Variants in RUBCN observed in about 807,000 individuals in gnomAD.
The protein encoded by RUBCN is rubicon autophagy regulator, also known as run domain Beclin-1-interacting and cysteine-rich domain-containing protein.
RUBCN carries 74 observed loss-of-function variants against 113.2 expected under a neutral mutation model. That is an observed-to-expected ratio of 0.65 (90% CI 0.54 to 0.79). The LOEUF (loss-of-function observed/expected upper bound fraction) is 0.79. RUBCN is among the 30% of genes least tolerant of loss of function. The pLI, the probability that RUBCN is intolerant of heterozygous loss-of-function variation, is 0.00. For synonymous variants in RUBCN, 480 were observed against 490.0 expected, an observed-to-expected ratio of 0.98 and a Z score of 0.27; for missense variants, 1,109 against 1,251.7, an observed-to-expected ratio of 0.89 and a Z score of 1.72.
chr3:197,716,019 T>C (rs1222465248), intron 2 of RUBCN, among the ~76,000 whole-genome samples: 1 of 152,032 alleles, frequency 6.6e-6, no homozygotes, highest in African/African-American at 2.4e-5. Flanking sequence ...ACACGAATCT[T>C]ATCAAGCCTA....
At position 197,719,783 on chromosome 3, in the gene RUBCN, C is replaced by T. The variant is rs545007152; in HGVS notation, c.66-1653G>A. Among the ~76,000 whole-genome samples the T allele has an allele frequency of 8.5e-5, 13 of 152,290 alleles. No individual in the cohort carries two copies. The South Asian group carries it at 2.7e-3, about 32-fold the overall frequency. On this transcript the variant is annotated intron_variant, in intron 1 of 19. Coordinates refer to ENST00000296343, the MANE Select transcript of RUBCN (RefSeq NM_014687.4). ...TTCTGTAAAAAATTGATTTACATAGCTACCGTATTTAGTGTCACCTTTTTA... is the reference window on the plus strand; with the variant it reads ...TTCTGTAAAAAATTGATTTACATAGTTACCGTATTTAGTGTCACCTTTTTA...
intron 2 of RUBCN, among the ~76,000 whole-genome samples, chr3:197,707,376 C>T (rs964069999): frequency 6.6e-6 from 1 of 151,804 alleles, no homozygotes; most frequent in Non-Finnish European, 1.5e-5. Context: ...TTTCTTCAGA[C>T]AAAATTTTAA....
intron 7 of RUBCN, among the ~76,000 whole-genome samples, chr3:197,697,399 T>C (rs775463754): frequency 1.1e-4 from 17 of 152,252 alleles, no homozygotes; most frequent in Non-Finnish European, 1.8e-4. Context: ...CAAACCAATT[T>C]AGAAAAGTCT....
chr3:197,725,126 G>C (rs9838354), intron 1 of RUBCN, among the ~76,000 whole-genome samples: 1 of 152,088 alleles, frequency 6.6e-6, no homozygotes, highest in Non-Finnish European at 1.5e-5. Context: ...CAAGGGCTTC[G>C]AAGTTGGAAG....
chr3:197,707,779 A>G (rs1724479662), intron 2 of RUBCN, among the ~76,000 whole-genome samples: 1 of 152,034 alleles, frequency 6.6e-6, no homozygotes, highest in Non-Finnish European at 1.5e-5. Flanking sequence ...AGCCTGGTCA[A>G]CATGGTGAAA....
chr3:197,685,131 G>A (rs569202070), intron 11 of RUBCN, among the ~76,000 whole-genome samples: 5 of 152,144 alleles, frequency 3.3e-5, no homozygotes, highest in South Asian at 2.1e-4. Context: ...TTTAGAAGAC[G>A]ATTTCTAATA....
At chr3:197,697,671 C>T (rs1480364937) in intron 7 of RUBCN, among the ~76,000 whole-genome samples, 1 of 151,966 alleles carries the variant, frequency 6.6e-6, no homozygotes, top group African/African-American at 2.4e-5. Flanking sequence ...ACAGGAAGAG[C>T]GAGAGCTGGG....
chr3:197,671,923 A>T lies in RUBCN; in HGVS notation c.*3095T>A, dbSNP rs528614415. 1 of 152,206 alleles carries T rather than the reference A, an allele frequency of 6.6e-6. No homozygotes were observed. The highest frequency in any genetic ancestry group is 6.5e-5 in the Admixed American group (1 of 15,284). The allele number at this position is 152,206 out of a possible 1,614,324, so 9.4% of individuals were successfully genotyped here. On this transcript the variant is annotated 3_prime_UTR_variant, in exon 20 of 20. Transcript: ENST00000296343. Reference sequence around the variant, plus strand: ...TACATTATAACACAGAAACCTTCTCAATGTTCAGATATACCTGCTTTACAG... The same window carrying T: ...TACATTATAACACAGAAACCTTCTCTATGTTCAGATATACCTGCTTTACAG...
In RUBCN at chr3:197,701,041, A is replaced by G. The variant is rs771168333; in HGVS notation, c.833T>C (p.Val278Ala). The change falls in exon 7 of 20, where the codon GTT becomes GCT. Residue 278 changes from valine (V) to alanine (A), a missense_variant. By Grantham distance (64) the Val-to-Ala change is moderately conservative. Coordinates refer to ENST00000296343, the MANE Select transcript of RUBCN (RefSeq NM_014687.4). ...ATCCCTGGCTAGTGCAGAGACTGAAACTGGGGGGGCTTGGATGGTTTGATC... is the reference window on the plus strand; with the variant it reads ...ATCCCTGGCTAGTGCAGAGACTGAAGCTGGGGGGGCTTGGATGGTTTGATC... ...AEDQTIQAPP[V>A]SVSALARDSP... 39 of 1,613,730 alleles carry G rather than the reference A, an allele frequency of 2.4e-5. No homozygotes were observed. The highest frequency in any genetic ancestry group is 3.1e-5 in the Non-Finnish European group (37 of 1,179,912).
chr3:197,696,701 C>T (rs1723041659), intron 8 of RUBCN, among the ~76,000 whole-genome samples: 1 of 152,120 alleles, frequency 6.6e-6, no homozygotes, highest in South Asian at 2.1e-4. Context: ...CCCATCTGGA[C>T]CAGCCGACGT....
At chr3:197,680,556 A>G (rs1389785005) in intron 16 of RUBCN, among the ~76,000 whole-genome samples, 2 of 151,676 alleles carry the variant, frequency 1.3e-5, no homozygotes, top group Non-Finnish European at 2.9e-5. Context: ...AGACTGTCTT[A>G]CGCTCTAACT....
intron 2 of RUBCN, among the ~76,000 whole-genome samples, chr3:197,710,358 T>C (rs1206385682): frequency 6.6e-6 from 1 of 152,100 alleles, no homozygotes; most frequent in African/African-American, 2.4e-5. Flanking sequence ...CCCAGCACTT[T>C]GGGAGGCTGA....
chr3:197,718,822 C>T (rs74503580), intron 1 of RUBCN, among the ~76,000 whole-genome samples: 2,097 of 152,244 alleles, frequency 0.014, 32 homozygotes, highest in South Asian at 0.043. Flanking sequence ...CATCTTTTGC[C>T]AAACAAAAAA....
intron 9 of RUBCN, among the ~76,000 whole-genome samples, 196 bp downstream of exon 9, chr3:197,695,670 T>C (rs572512495): frequency 6.6e-6 from 1 of 152,196 alleles, no homozygotes; most frequent in Non-Finnish European, 1.5e-5. Flanking sequence ...ATAAAATCGC[T>C]AATAATTTGG....
chr3:197,712,257 T>A (rs2108941114), intron 2 of RUBCN, among the ~76,000 whole-genome samples: 1 of 152,258 alleles, frequency 6.6e-6, no homozygotes, highest in Non-Finnish European at 1.5e-5. Context: ...ACTAAAAAGG[T>A]AGCCCAGATG....
chr3:197,698,347 T>C (rs1279416553), intron 7 of RUBCN, among the ~76,000 whole-genome samples: 1 of 152,244 alleles, frequency 6.6e-6, no homozygotes, highest in African/African-American at 2.4e-5. Context: ...CTTTCAGCCC[T>C]CTCTCAATAC....
rs1175737983 is a variant in RUBCN at position 197,670,422 on chromosome 3, G to A, written c.*4596C>T. Among the ~76,000 whole-genome samples, 1 of 152,188 alleles carries A rather than the reference G, an allele frequency of 6.6e-6. No individual in the cohort carries two copies. Among genetic ancestry groups the A allele is most frequent in the African/African-American group, 2.4e-5 (1 of 41,442 alleles). On this transcript the variant is annotated 3_prime_UTR_variant, in exon 20 of 20. Transcript: ENST00000296343. ...GCTGGGCTGCCATTGTGAATCAATG[G>A]TCCTTGTTTTCCTCTTCAACAGTCT... is the stretch of plus-strand genomic sequence containing the variant.
rs1235253201 is a variant in RUBCN, at chr3:197,703,569, C to G, written c.549G>C (p.Leu183=). The G allele has an allele frequency of 6.2e-6, 10 of 1,613,304 alleles. No individual in the cohort carries two copies. Among genetic ancestry groups the G allele is most frequent in the Non-Finnish European group, 8.5e-6 (10 of 1,179,354 alleles). The stretch of plus-strand genomic sequence containing the variant: ...GTACCATGGACGCATCGATCTGAGC[C>G]AGGAGGCGGGGGTTGTTCTGTTCCA... ...EAVEQNNPRL[L]AQIDASMFAR... Residue 183 remains leucine (L), a synonymous_variant, in exon 5 of 20, where the codon CTG becomes CTC. Transcript: ENST00000296343.
At chr3:197,745,307 G>T (rs1728695426) in intron 1 of RUBCN, among the ~76,000 whole-genome samples, 1 of 139,410 alleles carries the variant, frequency 7.2e-6, no homozygotes, top group Non-Finnish European at 1.5e-5. Context: ...AGAAAGAAAA[G>T]AAAAGGGGGA....
Sources: allele counts gnomAD v4.1 joint callset (sites outside exome capture counted in the v4.1 genomes callset), GRCh38; gene constraint gnomAD v4.1.1; transcripts MANE v1.5; gene names NCBI Gene and HGNC (gene_info 2026-07-23, HGNC 2026-07-21).